The following SPAG16 variants were observed in gnomAD, a reference collection of about 807,000 sequenced individuals.
The protein encoded by SPAG16 is sperm associated antigen 16.
A neutral mutation model predicts 80.4 loss-of-function variants in SPAG16; 86 were observed. The ratio of observed to expected loss-of-function variants is 1.07; its 90% CI spans 0.90 to 1.28. The LOEUF (loss-of-function observed/expected upper bound fraction) is 1.28, where lower values mean the gene tolerates loss of function less well. SPAG16 is among the 50% of genes most tolerant of loss of function. The pLI, the probability that SPAG16 is intolerant of heterozygous loss-of-function variation, is 0.00. For synonymous variants in SPAG16, 294 were observed against 265.9 expected (o/e 1.11, Z -1.03); for missense variants, 870 against 765.3 (o/e 1.14, Z -1.61).
At chr2:213,341,222 T>C (rs916873769) in intron 6 of SPAG16, among the ~76,000 whole-genome samples, 1 of 152,162 alleles carries the variant, frequency 6.6e-6, no homozygotes, top group African/African-American at 2.4e-5. Context: ...CTAAAGCTCA[T>C]TTTATAAAGA....
At chr2:213,806,823 T>C (rs571551849) in intron 10 of SPAG16, among the ~76,000 whole-genome samples, 1 of 152,306 alleles carries the variant, frequency 6.6e-6, no homozygotes, top group African/African-American at 2.4e-5. Flanking sequence ...TTGCCTTTAA[T>C]AAGTTAAAAA....
At chr2:213,775,387 T>TTAC (rs758753280) in intron 10 of SPAG16, among the ~76,000 whole-genome samples, 1 of 152,182 alleles carries the variant, frequency 6.6e-6, no homozygotes, top group Non-Finnish European at 1.5e-5. Flanking sequence ...TGTGAAATTA[T>TTAC]TACTACATTC....
chr2:213,664,599 G>GT (rs1237036922), intron 10 of SPAG16, among the ~76,000 whole-genome samples: 1 of 151,990 alleles, frequency 6.6e-6, no homozygotes, highest in Non-Finnish European at 1.5e-5. Flanking sequence ...TGAAAAACTA[G>GT]TTTTTTCCTT....
intron 12 of SPAG16, among the ~76,000 whole-genome samples, chr2:214,003,514 C>G (rs2046889239): frequency 6.6e-6 from 1 of 152,192 alleles, no homozygotes; most frequent in South Asian, 2.1e-4. Context: ...GAGTGTTACT[C>G]AGGTTCCTTC....
At chr2:213,676,048 C>T (rs1025688814) in intron 10 of SPAG16, among the ~76,000 whole-genome samples, 2 of 152,002 alleles carry the variant, frequency 1.3e-5, no homozygotes, top group Non-Finnish European at 2.9e-5. Flanking sequence ...TGTTTGTATC[C>T]TCTTTTATTT....
At chr2:214,161,691 G>A (rs920100134) in intron 15 of SPAG16, among the ~76,000 whole-genome samples, 2 of 152,022 alleles carry the variant, frequency 1.3e-5, no homozygotes, top group South Asian at 2.1e-4. Flanking sequence ...GGGGTTGATG[G>A]GTAGAGAGAG....
intron 3 of SPAG16, among the ~76,000 whole-genome samples, chr2:213,300,746 T>C (rs2062708801): frequency 6.6e-6 from 1 of 152,156 alleles, no homozygotes; most frequent in East Asian, 1.9e-4. Flanking sequence ...ATGAATATTT[T>C]AAAATTTAAT....
intron 15 of SPAG16, among the ~76,000 whole-genome samples, chr2:214,256,629 AAAAC>A (rs766481004): frequency 2.1e-4 from 32 of 152,042 alleles, no homozygotes; most frequent in South Asian, 1.5e-3. Context: ...CCATGTGTTT[AAAAC>A]AAACAAACAA....
At chr2:213,831,603 G>A (rs1042270762) in intron 10 of SPAG16, among the ~76,000 whole-genome samples, 1 of 151,838 alleles carries the variant, frequency 6.6e-6, no homozygotes, top group East Asian at 1.9e-4. Flanking sequence ...CTTCATTTGT[G>A]TCATGGATTT....
At chr2:214,280,895 G>T in intron 15 of SPAG16, 1 of 427,610 alleles carries the variant, frequency 2.3e-6, no homozygotes, top group Non-Finnish European at 4.5e-6. Context: ...CTACTTAGTA[G>T]CACATGTAAT....
chr2:214,366,130 C>T (rs984139443), intron 15 of SPAG16, among the ~76,000 whole-genome samples: 1 of 152,100 alleles, frequency 6.6e-6, no homozygotes, highest in Non-Finnish European at 1.5e-5. Flanking sequence ...AGGTATGCAT[C>T]ACCACTCCTA....
chr2:214,132,985 G>T (rs903425656), intron 14 of SPAG16, among the ~76,000 whole-genome samples: 1 of 152,012 alleles, frequency 6.6e-6, no homozygotes, highest in Non-Finnish European at 1.5e-5. Flanking sequence ...CCAGCTACTG[G>T]GGAGGCTGAG....
chr2:213,586,622 C>T (rs948795602), intron 10 of SPAG16, among the ~76,000 whole-genome samples: 2 of 152,186 alleles, frequency 1.3e-5, no homozygotes, highest in African/African-American at 4.8e-5. Context: ...TCAGAATCTA[C>T]CTTAAAGTCC....
At chr2:213,937,020 T>G (rs1055066630) in intron 12 of SPAG16, among the ~76,000 whole-genome samples, 5 of 152,138 alleles carry the variant, frequency 3.3e-5, no homozygotes, top group Non-Finnish European at 7.4e-5. Flanking sequence ...GTTAATGATA[T>G]ATACTATTAT....
intron 10 of SPAG16, among the ~76,000 whole-genome samples, chr2:213,605,102 T>C (rs1053029094): frequency 4.6e-5 from 7 of 152,030 alleles, no homozygotes; most frequent in Non-Finnish European, 8.8e-5. Flanking sequence ...ATTTCATGTA[T>C]ACATGAAAAT....
chr2:213,375,180 T>G, intron 9 of SPAG16, 61 bp downstream of exon 9: 1 of 1,166,838 alleles, frequency 8.6e-7, no homozygotes, highest in South Asian at 1.4e-5. Context: ...TTAGATCCAT[T>G]CACTCATATG....
At chr2:213,718,684 C>A (rs1222021219) in intron 10 of SPAG16, among the ~76,000 whole-genome samples, 2 of 152,212 alleles carry the variant, frequency 1.3e-5, no homozygotes, top group Admixed American at 1.3e-4. Flanking sequence ...GCTGGCCCAC[C>A]TGCGCTGTGC....
chr2:213,297,572 A>T (rs2062560067), intron 3 of SPAG16, among the ~76,000 whole-genome samples: 1 of 148,642 alleles, frequency 6.7e-6, no homozygotes, highest in African/African-American at 2.4e-5. Flanking sequence ...TCACTCTTGC[A>T]TGACTTTGTA....
intron 15 of SPAG16, among the ~76,000 whole-genome samples, chr2:214,397,195 C>T (rs1176780854): frequency 3.0e-5 from 4 of 133,704 alleles, no homozygotes; most frequent in Admixed American, 8.7e-5. Flanking sequence ...CTCGCTCTGT[C>T]GCCAGGCTGG....
Sources: allele counts gnomAD v4.1 joint callset (sites outside exome capture counted in the v4.1 genomes callset), GRCh38; gene constraint gnomAD v4.1.1; transcripts MANE v1.5; gene names NCBI Gene and HGNC (gene_info 2026-07-23, HGNC 2026-07-21).